Variants in NUDCD3 observed in about 807,000 individuals in gnomAD.
NUDCD3 encodes the protein nudC domain-containing protein 3.
A neutral mutation model predicts 39.7 loss-of-function variants in NUDCD3; 13 were observed. The ratio of observed to expected loss-of-function variants is 0.33; its 90% CI spans 0.21 to 0.52. NUDCD3 has a LOEUF of 0.52. NUDCD3 is among the 20% of genes least tolerant of loss of function. The pLI is 0.96. For synonymous variants in NUDCD3, 175 were observed against 172.4 expected (o/e 1.02, Z -0.12); for missense variants, 453 against 458.1 (o/e 0.99, Z 0.10).
At chr7:44,442,991 C>T (rs145622089) in intron 2 of NUDCD3, among the ~76,000 whole-genome samples, 2,036 of 152,212 alleles carry the variant, frequency 0.013, 15 homozygotes, top group Middle Eastern at 0.024. Context: ...GGTGAGCCAC[C>T]GCACCTGGCC....
chr7:44,400,204 T>G (rs77925254), intron 4 of NUDCD3, among the ~76,000 whole-genome samples: 1 of 152,016 alleles, frequency 6.6e-6, no homozygotes, highest in Non-Finnish European at 1.5e-5. Context: ...TGATTTTACA[T>G]CTTCGTAACC....
At chr7:44,423,690 T>A (rs1328376305) in intron 3 of NUDCD3, among the ~76,000 whole-genome samples, 1 of 152,012 alleles carries the variant, frequency 6.6e-6, no homozygotes, top group Non-Finnish European at 1.5e-5. Flanking sequence ...ATAGGAAGAA[T>A]CAATATTGTG....
At chr7:44,414,500 T>C (rs1798984727) in intron 3 of NUDCD3, among the ~76,000 whole-genome samples, 1 of 152,190 alleles carries the variant, frequency 6.6e-6, no homozygotes, top group Non-Finnish European at 1.5e-5. Flanking sequence ...GCAATACATG[T>C]TCATACTTGA....
chr7:44,392,448 G>T lies in NUDCD3; in HGVS notation c.824C>A (p.Ala275Asp). Reference sequence around the variant, plus strand: ...GATGGGCTCTTCTCCCTCCAGGATGGCGTTCCACCAATACTCGCCCACCTT... The same window carrying T: ...GATGGGCTCTTCTCCCTCCAGGATGTCGTTCCACCAATACTCGCCCACCTT... ...LSKVGEYWWN[A>D]ILEGEEPIDI... Residue 275 changes from alanine to aspartate, a missense_variant, in exon 5 of 6, where the codon GCC becomes GAC. Transcript: ENST00000355451. 1 of 1,614,136 alleles carries T rather than the reference G, an allele frequency of 6.2e-7. No individual in the cohort carries two copies. The highest frequency in any genetic ancestry group is 8.5e-7 in the Non-Finnish European group (1 of 1,180,004).
At chr7:44,434,275 C>A (rs549983242) in intron 2 of NUDCD3, among the ~76,000 whole-genome samples, 51 of 152,262 alleles carry the variant, frequency 3.3e-4, no homozygotes, top group African/African-American at 1.1e-3. Flanking sequence ...ACGCCAGCAA[C>A]CCAGACGTAG....
intron 2 of NUDCD3, among the ~76,000 whole-genome samples, chr7:44,448,431 G>A (rs953987291): frequency 5.3e-5 from 8 of 152,136 alleles, no homozygotes; most frequent in Non-Finnish European, 8.8e-5. Flanking sequence ...CCGAGGCGCC[G>A]GAGAGATAGT....
intron 3 of NUDCD3, among the ~76,000 whole-genome samples, chr7:44,405,784 A>G (rs1444258762): frequency 6.6e-6 from 1 of 152,136 alleles, no homozygotes; most frequent in East Asian, 1.9e-4. Flanking sequence ...TGCAGGAGTC[A>G]CCGCTGTCAG....
Position 44,381,302 on chromosome 7 carries a change from A to G in NUDCD3, c.*4709T>C, listed in dbSNP as rs11772858. The G allele has an allele frequency of 0.044, 6,714 of 152,356 alleles. 200 individuals are homozygous for G. Among genetic ancestry groups the G allele is most frequent in the Non-Finnish European group, 0.063 (4,254 of 68,062 alleles). 9.4% of individuals were successfully genotyped at this position (152,356 alleles called of 1,614,324 possible). On this transcript the variant is annotated 3_prime_UTR_variant, in exon 6 of 6. Coordinates refer to ENST00000355451, the MANE Select transcript of NUDCD3 (RefSeq NM_015332.4). ...ACTCACCTTGGTCATGATGCCACAG[A>G]GAGTGTGGCATGGCCAGGACTGTAC...
intron 2 of NUDCD3, among the ~76,000 whole-genome samples, chr7:44,484,168 A>C (rs139197885): frequency 6.6e-6 from 1 of 152,336 alleles, no homozygotes; most frequent in African/African-American, 2.4e-5. Flanking sequence ...TTTTCCAAAA[A>C]AACAAAGCAG....
chr7:44,416,316 T>G lies in NUDCD3; in HGVS notation c.642+11255A>C, dbSNP rs887351645. Among the ~76,000 whole-genome samples, 9 of 152,156 alleles carry G rather than the reference T, an allele frequency of 5.9e-5. No individual in the cohort carries two copies. In the East Asian group the frequency reaches 9.7e-4, roughly 16 times the overall value. ...GATGCCCAGGCTGGTCTCAAATTCC[T>G]GGGCTCAAGCAATCTGCCCACCTCA... On this transcript the variant is annotated intron_variant, in intron 3 of 5. Coordinates refer to ENST00000355451, the MANE Select transcript of NUDCD3 (RefSeq NM_015332.4).
chr7:44,476,901 G>A (rs1800382179), intron 2 of NUDCD3, among the ~76,000 whole-genome samples: 1 of 152,192 alleles, frequency 6.6e-6, no homozygotes. Flanking sequence ...CTTTGCTGAT[G>A]AGAAAAGTGA....
intron 2 of NUDCD3, among the ~76,000 whole-genome samples, chr7:44,481,885 C>A (rs1163501527): frequency 6.6e-6 from 1 of 152,156 alleles, no homozygotes; most frequent in Non-Finnish European, 1.5e-5. Context: ...AGAGAGTTCT[C>A]TCACCTCTTC....
At chr7:44,427,495 T>C (rs1799258922) in intron 3 of NUDCD3, 76 bp downstream of exon 3, 1 of 1,511,272 alleles carries the variant, frequency 6.6e-7, no homozygotes, top group South Asian at 1.3e-5. Context: ...CCCTCAAGGA[T>C]GCTGGTGGGT....
At chr7:44,485,306 G>A in intron 1 of NUDCD3, 22 bp from the exon 2 acceptor site, 1 of 1,574,900 alleles carries the variant, frequency 6.3e-7, no homozygotes, top group South Asian at 1.2e-5. Context: ...CACCAATCCA[G>A]CAATCAGTTC....
chr7:44,473,380 G>A (rs1380656629), intron 2 of NUDCD3, among the ~76,000 whole-genome samples: 1 of 152,228 alleles, frequency 6.6e-6, no homozygotes, highest in Non-Finnish European at 1.5e-5. Flanking sequence ...GCCTGGGTCA[G>A]TTTCCTAAAC....
chr7:44,386,587 C>T (rs557874133), intron 5 of NUDCD3, among the ~76,000 whole-genome samples: 1 of 152,292 alleles, frequency 6.6e-6, no homozygotes, highest in South Asian at 2.1e-4. Context: ...AGAGGAGATA[C>T]CCTAGCACCC....
chr7:44,455,440 C>T (rs1001798621), intron 2 of NUDCD3, among the ~76,000 whole-genome samples: 3 of 152,278 alleles, frequency 2.0e-5, no homozygotes, highest in African/African-American at 7.2e-5. Flanking sequence ...CAGCTCACTG[C>T]ATCCTCCCAG....
rs1245363858 is a variant in NUDCD3 at position 44,380,681 on chromosome 7, G to C, written c.*5330C>G. On this transcript the variant is annotated 3_prime_UTR_variant, in exon 6 of 6. Transcript: ENST00000355451. ...GTTGAGTTCATGAACTCTCAGGCTG[G>C]AGCTCAGCAGTCCCACTAGGGACCA... 1 of 152,228 alleles carries C rather than the reference G, an allele frequency of 6.6e-6. No homozygotes were observed. 9.4% of individuals were successfully genotyped at this position (152,228 alleles called of 1,614,324 possible). A position where few individuals can be genotyped will look rare whatever the true frequency, so the allele number is the denominator to read the frequency against.
intron 2 of NUDCD3, among the ~76,000 whole-genome samples, chr7:44,451,871 C>G (rs1563181255): frequency 6.6e-6 from 1 of 152,218 alleles, no homozygotes; most frequent in East Asian, 1.9e-4. Flanking sequence ...TGGTGGTTGA[C>G]AGAGTCACCT....
Sources: allele counts gnomAD v4.1 joint callset (sites outside exome capture counted in the v4.1 genomes callset), GRCh38; gene constraint gnomAD v4.1.1; transcripts MANE v1.5; gene names NCBI Gene and HGNC (gene_info 2026-07-23, HGNC 2026-07-21).